PLCB1: variants seen among roughly 807,000 people sequenced by gnomAD.
The protein encoded by PLCB1 is 1-phosphatidylinositol 4,5-bisphosphate phosphodiesterase beta-1.
In PLCB1, 46 loss-of-function variants were observed where a neutral mutation model predicts 161.8. The ratio of observed to expected loss-of-function variants is 0.28; its 90% CI spans 0.22 to 0.36. The LOEUF is 0.36. Among genes scored for constraint, PLCB1 ranks in the 10% least tolerant of loss-of-function variants. The pLI is 1.00. For synonymous variants in PLCB1, 517 were observed against 503.7 expected (o/e 1.03, Z -0.35); for missense variants, 1,016 against 1,472.5 (o/e 0.69, Z 5.07).
intron 10 of PLCB1, 125 bp downstream of exon 10, chr20:8,685,203 C>T (rs1600250285): frequency 6.7e-6 from 6 of 892,662 alleles, no homozygotes; most frequent in East Asian, 4.9e-5. Context: ...TCTGAGAACT[C>T]TGGGGTTCCA....
Position 8,454,957 on chromosome 20 carries a change from A to G in PLCB1, c.246+83507A>G, listed in dbSNP as rs572092571. 2.0e-5 allele frequency among the ~76,000 whole-genome samples: 3 copies of G among 151,954 alleles called. No homozygotes were observed. The East Asian group carries it at 5.8e-4, about 29-fold the overall frequency. ...TGGTCTGGTATACAACAGGTGATCC[A>G]TATTTCTTGAATATAAGGATGGATG... On this transcript the variant is annotated intron_variant, in intron 3 of 31. Coordinates refer to ENST00000338037, the MANE Select transcript of PLCB1 (RefSeq NM_015192.4).
chr20:8,218,880 A>C (rs1460203646), intron 2 of PLCB1, among the ~76,000 whole-genome samples: 1 of 152,150 alleles, frequency 6.6e-6, no homozygotes, highest in Non-Finnish European at 1.5e-5. Context: ...AAATGATCTG[A>C]ACTACATATA....
intron 31 of PLCB1, among the ~76,000 whole-genome samples, chr20:8,836,021 G>T (rs2146284295): frequency 6.6e-6 from 1 of 152,092 alleles, no homozygotes; most frequent in East Asian, 2.0e-4. Flanking sequence ...GCTAGTTGAG[G>T]ATGGTCTTAC....
At chr20:8,270,343 T>G (rs1351065675) in intron 2 of PLCB1, among the ~76,000 whole-genome samples, 2 of 152,088 alleles carry the variant, frequency 1.3e-5, no homozygotes, top group African/African-American at 4.8e-5. Flanking sequence ...TTCTTTTTGG[T>G]TCAAAAATAT....
chr20:8,185,943 T>G (rs2051899571), intron 2 of PLCB1, among the ~76,000 whole-genome samples: 1 of 152,200 alleles, frequency 6.6e-6, no homozygotes, highest in Admixed American at 6.5e-5. Context: ...TGTGTATCAA[T>G]TCTCCCTTGA....
At chr20:8,733,784 T>A (rs1980409355) in intron 19 of PLCB1, among the ~76,000 whole-genome samples, 1 of 139,308 alleles carries the variant, frequency 7.2e-6, no homozygotes, top group Admixed American at 7.4e-5. Flanking sequence ...AAACTTAAAG[T>A]ATAATAATAA....
intron 9 of PLCB1, among the ~76,000 whole-genome samples, chr20:8,666,517 C>T (rs1869901055): frequency 6.6e-6 from 1 of 152,178 alleles, no homozygotes; most frequent in Admixed American, 6.5e-5. Context: ...GGCCAGTGGC[C>T]TCCAATCATA....
chr20:8,210,644 A>AT (rs138082966), intron 2 of PLCB1, among the ~76,000 whole-genome samples: 1 of 151,932 alleles, frequency 6.6e-6, no homozygotes, highest in Non-Finnish European at 1.5e-5. Context: ...TGCTCATGTA[A>AT]TTTTTTTTAA....
chr20:8,801,458 C>A lies in PLCB1; in HGVS notation c.3423+11197C>A, dbSNP rs555722539. Among the ~76,000 whole-genome samples, 3 of 152,300 alleles carry A rather than the reference C, an allele frequency of 2.0e-5. No individual in the cohort carries two copies. The East Asian group carries it at 5.8e-4, about 29-fold the overall frequency. On this transcript the variant is annotated intron_variant, in intron 31 of 31. Transcript: ENST00000338037. The stretch of plus-strand genomic sequence containing the variant: ...AAGTGTGTCCTTGAGTACTGCCCCA[C>A]CCATCAGAATATAAGCTCCACAACG...
chr20:8,350,398 A>G (rs1184686905), intron 2 of PLCB1, among the ~76,000 whole-genome samples: 1 of 152,170 alleles, frequency 6.6e-6, no homozygotes, highest in Non-Finnish European at 1.5e-5. Flanking sequence ...ATCTCCATCC[A>G]TGTCCCTGTA....
intron 2 of PLCB1, among the ~76,000 whole-genome samples, chr20:8,234,120 TG>T (rs1980205881): frequency 6.6e-6 from 1 of 152,022 alleles, no homozygotes; most frequent in African/African-American, 2.4e-5. Context: ...TAGGCATTTG[TG>T]GGATTGAAGG....
chr20:8,588,354 C>T (rs1289115908), intron 3 of PLCB1, among the ~76,000 whole-genome samples: 1 of 152,088 alleles, frequency 6.6e-6, no homozygotes, highest in Non-Finnish European at 1.5e-5. Context: ...TTTCTAACTT[C>T]TTAAAAAATG....
chr20:8,354,073 A>G (rs936933456), intron 2 of PLCB1, among the ~76,000 whole-genome samples: 1 of 151,726 alleles, frequency 6.6e-6, no homozygotes, highest in Admixed American at 6.6e-5. Flanking sequence ...CTGGGGCTGG[A>G]AGTGAAGGTT....
At chr20:8,643,166 G>C (rs77883036) in intron 4 of PLCB1, among the ~76,000 whole-genome samples, 124 of 152,184 alleles carry the variant, frequency 8.1e-4, no homozygotes, top group Middle Eastern at 3.4e-3. Context: ...CTGGACTACT[G>C]GACTATTACA....
intron 25 of PLCB1, among the ~76,000 whole-genome samples, chr20:8,763,932 A>G (rs1982176681): frequency 6.6e-6 from 1 of 151,556 alleles, no homozygotes; most frequent in South Asian, 2.1e-4. Context: ...TGGGAAGCCG[A>G]GGAGGGCAGA....
In PLCB1 at chr20:8,841,555, A is replaced by G. The variant is rs577778030; in HGVS notation, c.3424-40067A>G. Among the ~76,000 whole-genome samples the G allele has an allele frequency of 1.4e-3, 220 of 152,324 alleles. 1 individual carries two copies. The highest frequency in any genetic ancestry group is 5.0e-3 in the African/African-American group (207 of 41,558). On this transcript the variant is annotated intron_variant, in intron 31 of 31. Transcript: ENST00000338037. ...TAATTCTTTGTTCTGTTGAATATCA[A>G]GTTTTTTCTGCCTTCCTACCTCTGT...
In PLCB1 at chr20:8,877,078, T is replaced by C. The variant is rs566370706; in HGVS notation, c.3424-4544T>C. ...GAATTACTGCCATTTGCACGACCAA[T>C]CTACCATTCCCACCTAACACCTTGT... is the stretch of plus-strand genomic sequence containing the variant. On this transcript the variant is annotated intron_variant, in intron 31 of 31. Transcript: ENST00000338037. 3.3e-5 allele frequency among the ~76,000 whole-genome samples: 5 copies of C among 152,276 alleles called. No individual in the cohort carries two copies. The South Asian group carries it at 1.0e-3, about 32-fold the overall frequency.
In PLCB1 at chr20:8,531,759, T is replaced by C. The variant is rs562773876; in HGVS notation, c.247-96535T>C. On this transcript the variant is annotated intron_variant, in intron 3 of 31. Coordinates refer to ENST00000338037, the MANE Select transcript of PLCB1 (RefSeq NM_015192.4). Reference sequence around the variant, plus strand: ...TTTTATAAATTCATCCAGATTAAAATATATATATATATGTATATGCACACT... The same window carrying C: ...TTTTATAAATTCATCCAGATTAAAACATATATATATATGTATATGCACACT... Among the ~76,000 whole-genome samples, 4 of 151,574 alleles carry C rather than the reference T, an allele frequency of 2.6e-5. No individual in the cohort carries two copies. The South Asian group carries it at 8.3e-4, about 31-fold the overall frequency.
At chr20:8,422,442 G>A (rs1010606490) in intron 3 of PLCB1, among the ~76,000 whole-genome samples, 7 of 152,116 alleles carry the variant, frequency 4.6e-5, no homozygotes, top group African/African-American at 1.2e-4. Context: ...TGACCCAGAC[G>A]GAGAACAAGG....
Sources: gnomAD v4.1 joint callset for allele counts (sites outside exome capture counted in the v4.1 genomes callset) on GRCh38, gnomAD v4.1.1 for gene constraint, MANE v1.5 for transcripts, NCBI Gene and HGNC (gene_info 2026-07-23, HGNC 2026-07-21) for gene names.